Variants in PAPOLG observed in about 807,000 individuals in gnomAD.
The protein encoded by PAPOLG is poly(A) polymerase gamma.
A neutral mutation model predicts 99.0 loss-of-function variants in PAPOLG; 40 were observed. The ratio of observed to expected loss-of-function variants is 0.40; its 90% CI spans 0.31 to 0.53. The LOEUF (loss-of-function observed/expected upper bound fraction) is 0.53, where lower values mean the gene tolerates loss of function less well. PAPOLG is among the 20% of genes least tolerant of loss of function. The pLI, the probability that PAPOLG is intolerant of heterozygous loss-of-function variation, is 0.41. For synonymous variants in PAPOLG, 310 were observed against 299.3 expected (o/e 1.04, Z -0.37); for missense variants, 675 against 884.1 (o/e 0.76, Z 3.00).
At chr2:60,783,004 G>A (rs1329237745) in intron 12 of PAPOLG, 152 bp from the exon 13 acceptor site, 4 of 879,368 alleles carry the variant, frequency 4.5e-6, no homozygotes, top group Non-Finnish European at 6.4e-6. Flanking sequence ...AATTAATTTT[G>A]TGAAAATCAG....
At chr2:60,756,856 C>T (rs895024857) in intron 1 of PAPOLG, among the ~76,000 whole-genome samples, 1 of 152,142 alleles carries the variant, frequency 6.6e-6, no homozygotes, top group African/African-American at 2.4e-5. Flanking sequence ...GGCGCAAATA[C>T]CATCCCCCTG....
intron 20 of PAPOLG, 93 bp from the exon 21 acceptor site, chr2:60,794,871 T>A: frequency 6.4e-7 from 1 of 1,565,356 alleles, no homozygotes; most frequent in Non-Finnish European, 8.8e-7. Context: ...TTAGATTTAT[T>A]TTCAGGTTTT....
chr2:60,787,004 A>G lies in PAPOLG; in HGVS notation c.1224A>G (p.Glu408=). The change falls in exon 14 of 22, where the codon GAA becomes GAG. Residue 408 remains glutamate (E), a synonymous_variant. Transcript: ENST00000238714. ...TTGTTGGAAACTTGGAACGGAATGAATTTATTACTCTTGCCCATGTGAATC... is the reference window on the plus strand; with the variant it reads ...TTGTTGGAAACTTGGAACGGAATGAGTTTATTACTCTTGCCCATGTGAATC... ...RVLVGNLERN[E]FITLAHVNPQ... The G allele has an allele frequency of 6.2e-7, 1 of 1,612,954 alleles. No homozygotes were observed. The highest frequency in any genetic ancestry group is 8.5e-7 in the Non-Finnish European group (1 of 1,179,074).
chr2:60,757,699 A>G (rs1670390032), intron 1 of PAPOLG, among the ~76,000 whole-genome samples: 1 of 152,140 alleles, frequency 6.6e-6, no homozygotes, highest in African/African-American at 2.4e-5. Context: ...TTTTATTTCT[A>G]AGTTTTTAAT....
At chr2:60,770,596 G>T in intron 6 of PAPOLG, 85 bp downstream of exon 6, 3 of 820,168 alleles carry the variant, frequency 3.7e-6, no homozygotes, top group East Asian at 3.0e-5. Flanking sequence ...TAACATAAAT[G>T]CATATTTTAA....
At chr2:60,768,377 C>A in intron 3 of PAPOLG, 93 bp from the exon 4 acceptor site, 1 of 1,313,338 alleles carries the variant, frequency 7.6e-7, no homozygotes, top group African/African-American at 1.5e-5. Flanking sequence ...GCTGGGATTA[C>A]AAGTGTGAGC....
In PAPOLG at chr2:60,797,113, A is replaced by G. The variant is rs768661502; in HGVS notation, c.2164A>G (p.Asn722Asp). 1 of 1,614,124 alleles carries G rather than the reference A, an allele frequency of 6.2e-7. No individual in the cohort carries two copies. The highest frequency in any genetic ancestry group is 1.1e-5 in the South Asian group (1 of 91,090). Residue 722 changes from asparagine (N) to aspartate (D), a missense_variant, in exon 22 of 22, where the codon AAC becomes GAC. Asn to Asp is a conservative substitution (Grantham distance 23, BLOSUM62 1). Transcript: ENST00000238714. ...TTCATCATCTCCAGTTCCAGCAAAC[A>G]ACATCCGTGTCATCAAAAATTCCAT... ...PDSSSPVPAN[N>D]IRVIKNSIRL...
At position 60,766,178 on chromosome 2, in the gene PAPOLG, A is replaced by G. The variant is rs563480019; in HGVS notation, c.247-2292A>G. 2.6e-5 allele frequency among the ~76,000 whole-genome samples: 4 copies of G among 152,342 alleles called. No homozygotes were observed. The South Asian group carries it at 8.3e-4, about 32-fold the overall frequency. On this transcript the variant is annotated intron_variant, in intron 3 of 21. Transcript: ENST00000238714. ...CAGTTCTTAACTCTGAGAAATGTAA[A>G]TATGATTGAAGATTAAATATGAAAT...
chr2:60,786,065 A>T (rs1372091545), intron 13 of PAPOLG, among the ~76,000 whole-genome samples: 1 of 152,186 alleles, frequency 6.6e-6, no homozygotes, highest in African/African-American at 2.4e-5. Context: ...GGGGTTCCTA[A>T]TATATTGGGC....
chr2:60,756,532 T>A, intron 1 of PAPOLG, 37 bp downstream of exon 1: 1 of 1,568,108 alleles, frequency 6.4e-7, no homozygotes, highest in Non-Finnish European at 8.7e-7. Context: ...GTGAGGCGGG[T>A]AGGGGTGAGC....
intron 8 of PAPOLG, 126 bp from the exon 9 acceptor site, chr2:60,779,511 G>A (rs537373920): frequency 1.4e-5 from 15 of 1,103,688 alleles, no homozygotes; most frequent in Middle Eastern, 2.8e-4. Context: ...CCAACCAACC[G>A]TCTTATGAAT....
chr2:60,781,555 A>G (rs939437667), intron 10 of PAPOLG, among the ~76,000 whole-genome samples: 2 of 152,140 alleles, frequency 1.3e-5, no homozygotes, highest in Admixed American at 1.3e-4. Flanking sequence ...GGGTGGTGAA[A>G]AAGGATTGAG....
intron 1 of PAPOLG, among the ~76,000 whole-genome samples, chr2:60,759,701 C>T: frequency 6.6e-6 from 1 of 152,072 alleles, no homozygotes; most frequent in Non-Finnish European, 1.5e-5. Context: ...CATTTCTTTC[C>T]TGGGGAAAAA....
At chr2:60,764,921 G>A (rs1670628413) in intron 3 of PAPOLG, among the ~76,000 whole-genome samples, 1 of 152,096 alleles carries the variant, frequency 6.6e-6, no homozygotes, top group Admixed American at 6.6e-5. Flanking sequence ...ACTCACCAGG[G>A]TTATCAATAG....
intron 5 of PAPOLG, among the ~76,000 whole-genome samples, chr2:60,769,934 G>A (rs1305221696): frequency 1.4e-4 from 11 of 76,484 alleles, no homozygotes; most frequent in Admixed American, 9.0e-4. Context: ...CCCACCCCCC[G>A]ACAGGCCCCA....
At position 60,794,188 on chromosome 2, in the gene PAPOLG, A is replaced by C. The variant is rs748783380; in HGVS notation, c.1986A>C (p.Glu662Asp). The C allele has an allele frequency of 1.2e-6, 2 of 1,611,630 alleles. No individual in the cohort carries two copies. The highest frequency in any genetic ancestry group is 2.2e-5 in the South Asian group (2 of 90,952). ...CTCCTAAGAGGTTGAAAGACGTAGA[A>C]AAGGTAAAGTTACAACTTTAGTGGT... ...DGTPKRLKDVEKFIRLESTFK... is the reference protein window; with the variant it reads ...DGTPKRLKDVDKFIRLESTFK... Residue 662 changes from glutamate to aspartate, a missense_variant, in exon 19 of 22, where the codon GAA becomes GAC. Transcript: ENST00000238714.
chr2:60,774,108 T>G lies in PAPOLG; in HGVS notation c.605-926T>G, dbSNP rs367756248. Among the ~76,000 whole-genome samples, 6 of 113,224 alleles carry G rather than the reference T, an allele frequency of 5.3e-5. No homozygotes were observed. The East Asian group carries it at 9.6e-4, about 18-fold the overall frequency. The allele number at this position is 113,224 out of a possible 152,430, so 74.3% of individuals were successfully genotyped here. ...ATGTGTTTTTTGTTTTTTGTTTTTT[T>G]TTTGAGACGGGAGTCTCGCTCTGTC... On this transcript the variant is annotated intron_variant, in intron 7 of 21. Transcript: ENST00000238714.
rs1036484252 is a variant in PAPOLG at position 60,801,342 on chromosome 2, T to G, written c.*4182T>G. On this transcript the variant is annotated 3_prime_UTR_variant, in exon 22 of 22. Transcript: ENST00000238714. ...ATCCAAAGCTTAGAATTTAAATTGGTCATAGTAGCAAATAGTGCAGATGAT... is the reference window on the plus strand; with the variant it reads ...ATCCAAAGCTTAGAATTTAAATTGGGCATAGTAGCAAATAGTGCAGATGAT... 3.9e-5 allele frequency: 6 copies of G among 152,026 alleles called. No individual in the cohort carries two copies. Among genetic ancestry groups the G allele is most frequent in the African/African-American group, 1.5e-4 (6 of 41,376 alleles). The allele number at this position is 152,026 out of a possible 1,614,324, so 9.4% of individuals were successfully genotyped here. A position where few individuals can be genotyped will look rare whatever the true frequency, so the allele number is the denominator to read the frequency against.
chr2:60,795,033 T>C lies in PAPOLG; in HGVS notation c.2112+13T>C, dbSNP rs200226233. 2.0e-4 allele frequency: 313 copies of C among 1,599,886 alleles called. 1 individual carries two copies. The highest frequency in any genetic ancestry group is 3.9e-5 in the Non-Finnish European group (45 of 1,167,796). On this transcript the variant is annotated intron_variant, in intron 21 of 21. Coordinates refer to ENST00000238714, the MANE Select transcript of PAPOLG (RefSeq NM_022894.4). ...ATCACGCAAAAAGGTAACAAGATAG[T>C]CTTGTTCATAGGTACAGTACATAGG...
Sources: gnomAD v4.1 joint callset for allele counts (sites outside exome capture counted in the v4.1 genomes callset) on GRCh38, gnomAD v4.1.1 for gene constraint, MANE v1.5 for transcripts, NCBI Gene and HGNC (gene_info 2026-07-23, HGNC 2026-07-21) for gene names.